Variants in NAV2 observed in about 807,000 individuals in gnomAD.
NAV2 encodes the protein helicase, APC down-regulated 1.
A neutral mutation model predicts 223.2 loss-of-function variants in NAV2; 54 were observed. The observed-to-expected ratio is 0.24, with a 90% CI of 0.19 to 0.30. The LOEUF is 0.30. Among genes scored for constraint, NAV2 ranks in the 10% least tolerant of loss-of-function variants. The pLI, the probability that NAV2 is intolerant of heterozygous loss-of-function variation, is 1.00. For synonymous variants in NAV2, 1,279 were observed against 1,239.3 expected (o/e 1.03, Z -0.67); for missense variants, 2,806 against 3,147.5 (o/e 0.89, Z 2.60).
At chr11:19,765,892 T>C (rs2055186640) in intron 1 of NAV2, among the ~76,000 whole-genome samples, 2 of 152,146 alleles carry the variant, frequency 1.3e-5, no homozygotes, top group African/African-American at 4.8e-5. Context: ...AAGGACATGC[T>C]ATCCCTCAGT....
At chr11:19,881,762 G>GGT (rs2063220117) in intron 5 of NAV2, among the ~76,000 whole-genome samples, 1 of 152,146 alleles carries the variant, frequency 6.6e-6, no homozygotes, top group Admixed American at 6.5e-5. Context: ...ATCAGATAGT[G>GGT]GTGAGTATTA....
intron 1 of NAV2, among the ~76,000 whole-genome samples, chr11:19,494,896 T>C (rs941170319): frequency 6.6e-6 from 1 of 152,202 alleles, no homozygotes; most frequent in Non-Finnish European, 1.5e-5. Context: ...CGGGCTGTTG[T>C]GGTGCTGCAG....
chr11:19,876,959 TA>T (rs1024397228), intron 4 of NAV2, among the ~76,000 whole-genome samples: 6 of 127,346 alleles, frequency 4.7e-5, no homozygotes, highest in Admixed American at 1.7e-4. Context: ...TATTTATCAA[TA>T]AAAAATATTT....
intron 1 of NAV2, among the ~76,000 whole-genome samples, chr11:19,627,947 G>C (rs536585423): frequency 1.3e-5 from 2 of 149,646 alleles, no homozygotes; most frequent in Non-Finnish European, 3.0e-5. Context: ...AGAAGAAGAA[G>C]AGATAATGAT....
intron 22 of NAV2, among the ~76,000 whole-genome samples, chr11:20,071,036 A>T (rs1591977849): frequency 6.6e-6 from 1 of 152,178 alleles, no homozygotes. Flanking sequence ...TACATGTGCC[A>T]TGGTGGTTTG....
At chr11:20,032,260 C>T (rs1270402566) in intron 11 of NAV2, among the ~76,000 whole-genome samples, 1 of 152,194 alleles carries the variant, frequency 6.6e-6, no homozygotes, top group African/African-American at 2.4e-5. Context: ...CACTCCCACC[C>T]ATGGATTAGA....
intron 7 of NAV2, among the ~76,000 whole-genome samples, chr11:19,937,974 T>C (rs1043926452): frequency 1.3e-5 from 2 of 152,198 alleles, no homozygotes; most frequent in Non-Finnish European, 2.9e-5. Context: ...ACATGGAAGC[T>C]GCATCTTAAA....
At position 19,948,832 on chromosome 11, in the gene NAV2, A is replaced by G. The variant is rs1366310936; in HGVS notation, c.2397A>G (p.Ser799=). 1.2e-6 allele frequency: 2 copies of G among 1,614,004 alleles called. No homozygotes were observed. Among genetic ancestry groups the G allele is most frequent in the Non-Finnish European group, 1.7e-6 (2 of 1,180,002 alleles). Residue 799 remains serine (S), a synonymous_variant, in exon 10 of 38, where the codon TCA becomes TCG. Coordinates refer to ENST00000349880, the MANE Select transcript of NAV2 (RefSeq NM_145117.5). ...SPRLQAGDAP[S]MGNGYPPRAN... ...GGCTCCAAGCAGGAGACGCCCCCTC[A>G]ATGGGCAATGGGTATCCCCCTCGAG...
chr11:19,491,126 T>G (rs551490736), intron 1 of NAV2, among the ~76,000 whole-genome samples: 2 of 152,112 alleles, frequency 1.3e-5, no homozygotes, highest in Non-Finnish European at 2.9e-5. Context: ...TTCCATTTAC[T>G]GAGCACAAGC....
chr11:19,850,122 A>T (rs1041796196), intron 3 of NAV2, among the ~76,000 whole-genome samples: 1 of 152,190 alleles, frequency 6.6e-6, no homozygotes, highest in Non-Finnish European at 1.5e-5. Context: ...GTAATATACA[A>T]AGTACTTATT....
intron 1 of NAV2, among the ~76,000 whole-genome samples, chr11:19,635,136 G>A (rs1277196834): frequency 1.3e-5 from 2 of 152,150 alleles, no homozygotes; most frequent in East Asian, 1.9e-4. Flanking sequence ...AGGAGGAAAC[G>A]GAAATTGCTT....
At chr11:20,008,717 A>G (rs1850430084) in intron 11 of NAV2, among the ~76,000 whole-genome samples, 1 of 143,006 alleles carries the variant, frequency 7.0e-6, no homozygotes, top group African/African-American at 2.6e-5. Context: ...TGGCAGTTAA[A>G]AATTGAAGTT....
chr11:19,355,762 G>A (rs1182785633), intron 1 of NAV2, among the ~76,000 whole-genome samples: 1 of 152,118 alleles, frequency 6.6e-6, no homozygotes, highest in Non-Finnish European at 1.5e-5. Context: ...CAGATGTTTT[G>A]TTTACCCGGG....
At chr11:19,676,582 T>A (rs113204294) in intron 1 of NAV2, among the ~76,000 whole-genome samples, 195 of 152,340 alleles carry the variant, frequency 1.3e-3, no homozygotes, top group African/African-American at 4.6e-3. Flanking sequence ...TCCCTAGCTG[T>A]ACAATAGTGC....
chr11:19,878,271 G>C (rs2062980653), intron 4 of NAV2, among the ~76,000 whole-genome samples: 1 of 152,164 alleles, frequency 6.6e-6, no homozygotes, highest in African/African-American at 2.4e-5. Context: ...CATTTTTAAG[G>C]TATGAAGCTG....
intron 1 of NAV2, among the ~76,000 whole-genome samples, chr11:19,453,371 C>T (rs917475665): frequency 7.9e-5 from 12 of 152,160 alleles, no homozygotes; most frequent in African/African-American, 2.7e-4. Flanking sequence ...AGAAAGGATG[C>T]GTGTCCTTAA....
intron 10 of NAV2, among the ~76,000 whole-genome samples, chr11:19,965,144 G>T (rs2048664260): frequency 6.6e-6 from 1 of 151,050 alleles, no homozygotes; most frequent in African/African-American, 2.4e-5. Context: ...TATGTTCTAG[G>T]AACTCCTCTT....
At chr11:20,096,060 C>T (rs1366510326) in intron 30 of NAV2, among the ~76,000 whole-genome samples, 4 of 152,192 alleles carry the variant, frequency 2.6e-5, no homozygotes, top group African/African-American at 4.8e-5. Context: ...TGCTAATGTC[C>T]AACTCTCTTT....
chr11:19,848,303 T>C (rs765207863), intron 3 of NAV2, among the ~76,000 whole-genome samples: 3 of 152,158 alleles, frequency 2.0e-5, no homozygotes, highest in Non-Finnish European at 4.4e-5. Context: ...AAAGCTGCTA[T>C]AAGTAGGGGT....
Sources: gnomAD v4.1 joint callset for allele counts (sites outside exome capture counted in the v4.1 genomes callset) on GRCh38, gnomAD v4.1.1 for gene constraint, MANE v1.5 for transcripts, NCBI Gene and HGNC (gene_info 2026-07-23, HGNC 2026-07-21) for gene names.